IQCH: variants seen among roughly 807,000 people sequenced by gnomAD.
IQCH encodes IQ domain-containing protein H.
A neutral mutation model predicts 117.0 loss-of-function variants in IQCH; 98 were observed. The ratio of observed to expected loss-of-function variants is 0.84; its 90% CI spans 0.71 to 0.99. IQCH has a LOEUF of 0.99. IQCH is among the 50% of genes least tolerant of loss of function. The pLI, the probability that IQCH is intolerant of heterozygous loss-of-function variation, is 0.00. For missense variants in IQCH, 1,102 were observed against 1,243.8 expected (o/e 0.89, Z 1.72); for synonymous variants, 412 against 448.2 (o/e 0.92, Z 1.02).
chr15:67,375,353 G>C (rs1970700458), intron 10 of IQCH, among the ~76,000 whole-genome samples: 1 of 152,084 alleles, frequency 6.6e-6, no homozygotes, highest in Non-Finnish European at 1.5e-5. Flanking sequence ...TTGAGCCCAG[G>C]AGTTTGAGAT....
In IQCH at chr15:67,476,557, T is replaced by C. The variant is rs534918663; in HGVS notation, c.2799+739T>C. Among the ~76,000 whole-genome samples the C allele has an allele frequency of 2.3e-4, 35 of 152,232 alleles. 1 individual carries two copies. In the South Asian group the frequency reaches 7.0e-3, roughly 31 times the overall value. On this transcript the variant is annotated intron_variant, in intron 18 of 20. Transcript: ENST00000335894. The surrounding 1 kb of genome is among the most constrained non-coding windows in gnomAD (Gnocchi z 4.1). ...TTTGATAATTTATTTCTGAAGGGAGTTCTGATAAAAACCATTTTCTCTACT... is the reference window on the plus strand; with the variant it reads ...TTTGATAATTTATTTCTGAAGGGAGCTCTGATAAAAACCATTTTCTCTACT...
In IQCH at chr15:67,453,225, C is replaced by G. The variant is rs1398938988; in HGVS notation, c.2506-11902C>G. Among the ~76,000 whole-genome samples, 3 of 152,198 alleles carry G rather than the reference C, an allele frequency of 2.0e-5. No homozygotes were observed. The highest frequency in any genetic ancestry group is 7.2e-5 in the African/African-American group (3 of 41,444). ...CATCTGAAGCCTTCTTCTCTCAACT[C>G]GTCAAAGTCATTCTCCATCCAGCTT... On this transcript the variant is annotated intron_variant, in intron 16 of 20. Transcript: ENST00000335894. This position sits in a 1 kb window ranked among gnomAD's most constrained non-coding sequence, Gnocchi z 5.8.
intron 18 of IQCH, among the ~76,000 whole-genome samples, chr15:67,484,960 A>G (rs1200396071): frequency 6.6e-6 from 1 of 152,100 alleles, no homozygotes; most frequent in African/African-American, 2.4e-5. Flanking sequence ...GGAAAAAAAG[A>G]AAAAGATCCA....
rs1487776283 is a variant in IQCH at position 67,426,409 on chromosome 15, C to T, written c.2505+4832C>T. Among the ~76,000 whole-genome samples the T allele has an allele frequency of 2.0e-5, 3 of 152,104 alleles. No individual in the cohort carries two copies. The highest frequency in any genetic ancestry group is 4.4e-5 in the Non-Finnish European group (3 of 68,026). On this transcript the variant is annotated intron_variant, in intron 16 of 20. Coordinates refer to ENST00000335894, the MANE Select transcript of IQCH (RefSeq NM_001031715.3). The surrounding 1 kb of genome is among the most constrained non-coding windows in gnomAD (Gnocchi z 5.1). The stretch of plus-strand genomic sequence containing the variant: ...CCTCAAGGTTCTTTCTAGAATTCCC[C>T]TTTTCCACACTTAAAAGTAAATATC...
Position 67,369,215 on chromosome 15 carries a change from G to T in IQCH, c.754-2896G>T, listed in dbSNP as rs1215660576. On this transcript the variant is annotated intron_variant, in intron 8 of 20. Transcript: ENST00000335894. The surrounding 1 kb of genome is among the most constrained non-coding windows in gnomAD (Gnocchi z 5.2). ...AAACTCTCAAAGTTATCTAATTAGC[G>T]ATTACACTTTGCAAACAAAGAACAT... Among the ~76,000 whole-genome samples the T allele has an allele frequency of 6.6e-6, 1 of 152,126 alleles. No individual in the cohort carries two copies. The highest frequency in any genetic ancestry group is 2.1e-4 in the South Asian group (1 of 4,820).
At chr15:67,410,349 A>T (rs1003232535) in intron 14 of IQCH, among the ~76,000 whole-genome samples, 23 of 152,228 alleles carry the variant, frequency 1.5e-4, no homozygotes, top group African/African-American at 5.1e-4. Flanking sequence ...AGGCTCAATG[A>T]TGTCACCAAG....
intron 4 of IQCH, among the ~76,000 whole-genome samples, chr15:67,333,011 G>A (rs1378384272): frequency 6.6e-6 from 1 of 152,188 alleles, no homozygotes; most frequent in Non-Finnish European, 1.5e-5. Flanking sequence ...TTGGTGTCTG[G>A]TGAGGACCTG....
Position 67,389,012 on chromosome 15 carries a change from T to A in IQCH, c.1632+6T>A. On this transcript the variant is annotated splice_donor_region_variant and intron_variant, in intron 12 of 20. Transcript: ENST00000335894. ...AAGCTGTAAACATCTTCCCTGTGAGTTTGTGTTCTAATTACTATGGTTTCA... is the reference window on the plus strand; with the variant it reads ...AAGCTGTAAACATCTTCCCTGTGAGATTGTGTTCTAATTACTATGGTTTCA... 1.2e-6 allele frequency: 2 copies of A among 1,609,272 alleles called. No individual in the cohort carries two copies. Among genetic ancestry groups the A allele is most frequent in the Non-Finnish European group, 1.7e-6 (2 of 1,176,958 alleles).
intron 18 of IQCH, among the ~76,000 whole-genome samples, chr15:67,480,019 T>C (rs1335538978): frequency 1.3e-5 from 2 of 152,244 alleles, no homozygotes; most frequent in African/African-American, 4.8e-5. Flanking sequence ...GACTTCCTAA[T>C]GAAATGAAGT....
chr15:67,410,346 A>G (rs896800877), intron 14 of IQCH, among the ~76,000 whole-genome samples: 1 of 152,240 alleles, frequency 6.6e-6, no homozygotes, highest in Non-Finnish European at 1.5e-5. Flanking sequence ...ACAAGGCTCA[A>G]TGATGTCACC....
Position 67,384,860 on chromosome 15 carries a change from AT to A in IQCH, c.1373-72del. 1.1e-6 allele frequency: 1 copy of A among 946,562 alleles called. No homozygotes were observed. Among genetic ancestry groups the A allele is most frequent in the Non-Finnish European group, 1.7e-6 (1 of 582,734 alleles). The allele number at this position is 946,562 out of a possible 1,614,324, so 58.6% of individuals were successfully genotyped here. A position where few individuals can be genotyped will look rare whatever the true frequency, so the allele number is the denominator to read the frequency against. On this transcript the variant is annotated intron_variant, in intron 10 of 20. Transcript: ENST00000335894. This position sits in a 1 kb window ranked among gnomAD's most constrained non-coding sequence, Gnocchi z 4.3. ...TTTTCCTGGAAATATGGACTGTGAC[AT>A]TTTGAAATTCTCTTGTGCCATTTTG...
intron 18 of IQCH, among the ~76,000 whole-genome samples, chr15:67,487,480 AT>A (rs1484360480): frequency 6.6e-6 from 1 of 152,086 alleles, no homozygotes; most frequent in Non-Finnish European, 1.5e-5. Flanking sequence ...TATAAGTAAT[AT>A]TTTAGTGCAA....
chr15:67,331,062 T>C (rs1160420738), intron 4 of IQCH, among the ~76,000 whole-genome samples: 2 of 152,104 alleles, frequency 1.3e-5, no homozygotes, highest in African/African-American at 4.8e-5. Context: ...TCACAGCAAG[T>C]AGAATGTCTG....
chr15:67,300,972 GATA>G (rs1567077975), intron 4 of IQCH, among the ~76,000 whole-genome samples: 1 of 152,110 alleles, frequency 6.6e-6, no homozygotes, highest in East Asian at 1.9e-4. Context: ...AATTGGCTCT[GATA>G]ATAACTTTTG....
At position 67,395,553 on chromosome 15, in the gene IQCH, G is replaced by T; in HGVS notation, c.1895G>T (p.Ser632Ile). The change falls in exon 13 of 21, where the codon AGT (serine) becomes ATT (isoleucine). Residue 632 changes from serine (S) to isoleucine (I), a missense_variant. Ser to Ile is a moderately radical substitution (Grantham distance 142). Around this residue, in one of 2 missense-constraint regions of IQCH, gnomAD observed 650 missense variants for 794.3 expected, o/e 0.82. Transcript: ENST00000335894. The surrounding 1 kb of genome is among the most constrained non-coding windows in gnomAD (Gnocchi z 4.0). ...AVPPGIYDIY[S>I]QQQMIEQLSQ... ...CCTCCTGGAATATATGATATTTATA[G>T]TCAGCAACAGGTATGTGGGGTGGAC... 6.2e-7 allele frequency: 1 copy of T among 1,613,846 alleles called. No individual in the cohort carries two copies. Among genetic ancestry groups the T allele is most frequent in the Non-Finnish European group, 8.5e-7 (1 of 1,179,848 alleles).
intron 4 of IQCH, among the ~76,000 whole-genome samples, chr15:67,292,069 C>G (rs984984591): frequency 2.0e-5 from 3 of 152,016 alleles, no homozygotes; most frequent in Non-Finnish European, 2.9e-5. Flanking sequence ...GATTAGTGCT[C>G]TTATAAAAGA....
In IQCH at chr15:67,474,074, G is replaced by A. The variant is rs2083141855; in HGVS notation, c.2677-1622G>A. On this transcript the variant is annotated intron_variant, in intron 17 of 20. Transcript: ENST00000335894. The surrounding 1 kb of genome is among the most constrained non-coding windows in gnomAD (Gnocchi z 4.1). ...AAAGTGCCACGAAATCTGAGTGTGT[G>A]TGTGTGTGTGTGTGTGTGTGTGTGT... 6.8e-6 allele frequency among the ~76,000 whole-genome samples: 1 copy of A among 147,236 alleles called. No individual in the cohort carries two copies. Among genetic ancestry groups the A allele is most frequent in the African/African-American group, 2.6e-5 (1 of 38,934 alleles).
At chr15:67,311,753 A>G (rs747802285) in intron 4 of IQCH, among the ~76,000 whole-genome samples, 4 of 152,106 alleles carry the variant, frequency 2.6e-5, no homozygotes, top group Non-Finnish European at 5.9e-5. Context: ...TTAAGGTTGC[A>G]TTTGAAAAAC....
intron 8 of IQCH, among the ~76,000 whole-genome samples, chr15:67,367,822 A>G (rs1001043385): frequency 6.6e-6 from 1 of 152,138 alleles, no homozygotes; most frequent in African/African-American, 2.4e-5. Flanking sequence ...TTCTTATAGT[A>G]CTTATTCTCC....
Sources: allele counts gnomAD v4.1 joint callset (sites outside exome capture counted in the v4.1 genomes callset), GRCh38; gene constraint gnomAD v4.1.1; regional missense constraint gnomAD v4.1.1; non-coding constraint Gnocchi (gnomAD v3.1); transcripts MANE v1.5; gene names NCBI Gene and HGNC (gene_info 2026-07-23, HGNC 2026-07-21).